Variants in GRIN2B observed in about 807,000 individuals in gnomAD.
GRIN2B encodes the protein glutamate ionotropic receptor NMDA type subunit 2B.
In GRIN2B, 5 loss-of-function variants were observed where a neutral mutation model predicts 114.5. The observed-to-expected ratio is 0.04, with a 90% confidence interval of 0.02 to 0.09. GRIN2B has a LOEUF of 0.09. Among genes scored for constraint, GRIN2B ranks in the 10% least tolerant of loss-of-function variants. The pLI is 1.00. For synonymous variants in GRIN2B, 787 were observed against 745.1 expected (o/e 1.06, Z -0.92); for missense variants, 1,108 against 1,943.5 (o/e 0.57, Z 8.08).
In GRIN2B at chr12:13,615,757, T is replaced by C; in HGVS notation, c.1329-93A>G. 1 of 1,068,680 alleles carries C rather than the reference T, an allele frequency of 9.4e-7. No homozygotes were observed. The allele number at this position is 1,068,680 out of a possible 1,614,324, so 66.2% of individuals were successfully genotyped here. A position where few individuals can be genotyped will look rare whatever the true frequency, so the allele number is the denominator to read the frequency against. On this transcript the variant is annotated intron_variant, in intron 6 of 13. Transcript: ENST00000609686. The surrounding 1 kb of genome is among the most constrained non-coding windows in gnomAD (Gnocchi z 5.8). ...CCCTTTGCCATTAAAAAACCTCCAA[T>C]CCCAAAGCAGGCCCCCTTCACAGCT...
chr12:13,570,889 C>T (rs767839164), intron 11 of GRIN2B, among the ~76,000 whole-genome samples: 9 of 151,994 alleles, frequency 5.9e-5, no homozygotes, highest in South Asian at 2.1e-4. Flanking sequence ...GTTAGGTACC[C>T]GATAGAAAGG....
At chr12:13,875,703 C>G (rs1442914209) in intron 2 of GRIN2B, among the ~76,000 whole-genome samples, 2 of 152,172 alleles carry the variant, frequency 1.3e-5, no homozygotes, top group Non-Finnish European at 2.9e-5. Context: ...GAGAGCAAAG[C>G]TTTAGAGTTA....
intron 4 of GRIN2B, among the ~76,000 whole-genome samples, chr12:13,740,407 A>G (rs1863260237): frequency 6.6e-6 from 1 of 152,194 alleles, no homozygotes; most frequent in Non-Finnish European, 1.5e-5. Context: ...TGTGTCACTC[A>G]GTGAATTAAG....
intron 5 of GRIN2B, among the ~76,000 whole-genome samples, chr12:13,630,478 T>G (rs1428848862): frequency 2.6e-5 from 4 of 152,190 alleles, no homozygotes; most frequent in Non-Finnish European, 1.5e-5. Context: ...TCGAAAAATG[T>G]GACACATGTA....
intron 2 of GRIN2B, among the ~76,000 whole-genome samples, chr12:13,974,606 T>G (rs1443249909): frequency 6.6e-6 from 1 of 152,158 alleles, no homozygotes; most frequent in Admixed American, 6.5e-5. Flanking sequence ...TATTTTTTCC[T>G]CAAGACATAA....
intron 4 of GRIN2B, among the ~76,000 whole-genome samples, chr12:13,735,808 A>G (rs1863167556): frequency 1.3e-5 from 2 of 152,152 alleles, no homozygotes; most frequent in African/African-American, 2.4e-5. Context: ...CTGCTTACCA[A>G]TAACCAGAAT....
intron 2 of GRIN2B, among the ~76,000 whole-genome samples, chr12:13,949,736 G>A (rs219925): frequency 0.94 from 143,795 of 152,240 alleles, 68,113 homozygotes; most frequent in East Asian, 1. Context: ...TGCATTCAAT[G>A]TAGTGTATAT....
intron 3 of GRIN2B, among the ~76,000 whole-genome samples, chr12:13,782,992 A>C (rs1274715413): frequency 6.6e-6 from 1 of 152,220 alleles, no homozygotes; most frequent in African/African-American, 2.4e-5. Context: ...CAGTGACTTA[A>C]AGTCACTGTC....
At chr12:13,828,010 T>C (rs1254364947) in intron 3 of GRIN2B, among the ~76,000 whole-genome samples, 2 of 152,224 alleles carry the variant, frequency 1.3e-5, no homozygotes, top group Non-Finnish European at 2.9e-5. Context: ...TCTTTACTAA[T>C]ATTGTGAATA....
intron 10 of GRIN2B, among the ~76,000 whole-genome samples, chr12:13,605,309 A>G (rs1949224931): frequency 2.0e-5 from 3 of 152,050 alleles, no homozygotes; most frequent in Admixed American, 2.0e-4. Flanking sequence ...AAATAAAGGG[A>G]TCTCTAATCT....
intron 3 of GRIN2B, among the ~76,000 whole-genome samples, chr12:13,837,693 G>A (rs970749537): frequency 3.3e-5 from 5 of 152,120 alleles, no homozygotes; most frequent in Admixed American, 6.5e-5. Flanking sequence ...CCTTCCTCTC[G>A]ATGGTGGTGC....
chr12:13,704,883 C>T (rs79628226), intron 4 of GRIN2B, among the ~76,000 whole-genome samples: 6,025 of 152,116 alleles, frequency 0.04, 230 homozygotes, highest in African/African-American at 0.089. Context: ...TACTTTTATT[C>T]CTCATTTTTT....
At chr12:13,765,138 G>A (rs1863756738) in intron 3 of GRIN2B, among the ~76,000 whole-genome samples, 1 of 152,122 alleles carries the variant, frequency 6.6e-6, no homozygotes, top group Non-Finnish European at 1.5e-5. Context: ...ATGTTAATTC[G>A]GTACTGCCTA....
chr12:13,560,763 C>G lies in GRIN2B; in HGVS notation c.*2020G>C, dbSNP rs1314628281. 1 of 152,214 alleles carries G rather than the reference C, an allele frequency of 6.6e-6. No individual in the cohort carries two copies. Among genetic ancestry groups the G allele is most frequent in the Non-Finnish European group, 1.5e-5 (1 of 68,074 alleles). The allele number at this position is 152,214 out of a possible 1,614,324, so 9.4% of individuals were successfully genotyped here. Reference sequence around the variant, plus strand: ...AGAAAACAAAGCTTTACAAGGCCTTCAGTTGGCTTTAAAATGAAAGATACT... The same window carrying G: ...AGAAAACAAAGCTTTACAAGGCCTTGAGTTGGCTTTAAAATGAAAGATACT... On this transcript the variant is annotated 3_prime_UTR_variant, in exon 14 of 14. Coordinates refer to ENST00000609686, the MANE Select transcript of GRIN2B (RefSeq NM_000834.5).
At chr12:13,973,497 C>T (rs1862964573) in intron 2 of GRIN2B, among the ~76,000 whole-genome samples, 1 of 152,160 alleles carries the variant, frequency 6.6e-6, no homozygotes, top group Non-Finnish European at 1.5e-5. Context: ...CCAAGGAGGG[C>T]CAAAGCCTGT....
intron 2 of GRIN2B, among the ~76,000 whole-genome samples, chr12:13,892,084 A>C (rs1456568363): frequency 3.3e-5 from 5 of 152,234 alleles, no homozygotes; most frequent in African/African-American, 1.2e-4. Flanking sequence ...AGGATTCTAC[A>C]GTTAATAAAT....
intron 5 of GRIN2B, among the ~76,000 whole-genome samples, chr12:13,633,806 A>T (rs1204492072): frequency 6.6e-6 from 1 of 152,168 alleles, no homozygotes; most frequent in Non-Finnish European, 1.5e-5. Flanking sequence ...ATGTATTCAC[A>T]ACTCATACCC....
At chr12:13,607,176 TATAATAA>T (rs1424093576) in intron 10 of GRIN2B, among the ~76,000 whole-genome samples, 6 of 115,926 alleles carry the variant, frequency 5.2e-5, no homozygotes, top group Non-Finnish European at 1.0e-4. Flanking sequence ...AAAAAATATA[TATAATAA>T]ATATATAAAA....
chr12:13,580,808 C>T (rs187986675), intron 10 of GRIN2B, among the ~76,000 whole-genome samples: 4 of 152,344 alleles, frequency 2.6e-5, no homozygotes, highest in Non-Finnish European at 5.9e-5. Context: ...TCTCAAAAAG[C>T]TCCCTGGTGC....
Sources: allele counts gnomAD v4.1 joint callset (sites outside exome capture counted in the v4.1 genomes callset), GRCh38; gene constraint gnomAD v4.1.1; non-coding constraint Gnocchi (gnomAD v3.1); transcripts MANE v1.5; gene names NCBI Gene and HGNC (gene_info 2026-07-23, HGNC 2026-07-21).